Variants in MB21D2 observed in about 807,000 individuals in gnomAD.
MB21D2 encodes the protein nucleotidyltransferase MB21D2.
A neutral mutation model predicts 33.3 loss-of-function variants in MB21D2; 9 were observed. The ratio of observed to expected loss-of-function variants is 0.27; its 90% CI spans 0.16 to 0.47. MB21D2 has a LOEUF of 0.47. MB21D2 is among the 20% of genes least tolerant of loss of function. MB21D2 has a pLI of 0.99. For synonymous variants in MB21D2, 241 were observed against 236.3 expected, an observed-to-expected ratio of 1.02 and a Z score of -0.18; for missense variants, 540 against 624.6, an observed-to-expected ratio of 0.86 and a Z score of 1.44.
chr3:192,887,614 G>C (rs1212304473), intron 1 of MB21D2, among the ~76,000 whole-genome samples: 1 of 152,024 alleles, frequency 6.6e-6, no homozygotes, highest in East Asian at 1.9e-4. Context: ...AAGGTATATG[G>C]GGGTTCATTA....
intron 1 of MB21D2, among the ~76,000 whole-genome samples, chr3:192,885,235 A>G (rs1229088779): frequency 6.6e-6 from 1 of 152,156 alleles, no homozygotes; most frequent in Non-Finnish European, 1.5e-5. Context: ...GACAACCTGC[A>G]TAAATTGCAC....
At chr3:192,837,194 A>G (rs188659723) in intron 1 of MB21D2, among the ~76,000 whole-genome samples, 30 of 152,288 alleles carry the variant, frequency 2.0e-4, no homozygotes, top group Non-Finnish European at 3.2e-4. Flanking sequence ...GAAAGCCCAC[A>G]CGTTTCCTCC....
At chr3:192,904,641 G>A (rs1027177779) in intron 1 of MB21D2, among the ~76,000 whole-genome samples, 16 of 152,170 alleles carry the variant, frequency 1.1e-4, no homozygotes, top group African/African-American at 2.4e-4. Context: ...AACTGTGGAA[G>A]TGGGGCCTGG....
chr3:192,916,754 A>C (rs1393731979), intron 1 of MB21D2, among the ~76,000 whole-genome samples: 1 of 152,034 alleles, frequency 6.6e-6, no homozygotes, highest in Non-Finnish European at 1.5e-5. Flanking sequence ...GCATTCAATC[A>C]TGTTTCAGGA....
chr3:192,833,157 T>C (rs764530422), intron 1 of MB21D2, among the ~76,000 whole-genome samples: 1 of 152,158 alleles, frequency 6.6e-6, no homozygotes, highest in Non-Finnish European at 1.5e-5. Flanking sequence ...TTTCTAGCAA[T>C]TCTTCCTTCA....
intron 1 of MB21D2, among the ~76,000 whole-genome samples, chr3:192,878,017 G>A (rs919535842): frequency 2.7e-5 from 4 of 149,892 alleles, no homozygotes; most frequent in Non-Finnish European, 5.9e-5. Context: ...AGGCAGCAAC[G>A]GTGGGAGAAG....
Position 192,798,941 on chromosome 3 carries a change from C to A in MB21D2, c.921G>T (p.Met307Ile). The A allele has an allele frequency of 6.2e-7, 1 of 1,613,952 alleles. No individual in the cohort carries two copies. Among genetic ancestry groups the A allele is most frequent in the East Asian group, 2.2e-5 (1 of 44,852 alleles). ...TGGCTTTGCAGGCCTGATAGGCCTGCATGAGGCTGCTGGAGATGCACTTCT... is the reference window on the plus strand; with the variant it reads ...TGGCTTTGCAGGCCTGATAGGCCTGAATGAGGCTGCTGGAGATGCACTTCT... ...QLKKCISSSL[M>I]QAYQACKAII... Residue 307 changes from methionine to isoleucine, a missense_variant, in exon 2 of 2, where the codon ATG (methionine) becomes ATT (isoleucine). Met to Ile is a conservative substitution (Grantham distance 10). Coordinates refer to ENST00000392452, the MANE Select transcript of MB21D2 (RefSeq NM_178496.4). This position sits in a 1 kb window ranked among gnomAD's most constrained non-coding sequence, Gnocchi z 4.8.
At chr3:192,823,298 C>T (rs1712098710) in intron 1 of MB21D2, among the ~76,000 whole-genome samples, 1 of 152,198 alleles carries the variant, frequency 6.6e-6, no homozygotes, top group African/African-American at 2.4e-5. Flanking sequence ...AAATGTCTGA[C>T]AATCTCTATA....
chr3:192,821,843 C>A (rs1274770916), intron 1 of MB21D2, among the ~76,000 whole-genome samples: 4 of 152,082 alleles, frequency 2.6e-5, no homozygotes, highest in Non-Finnish European at 1.5e-5. Context: ...GACAGGGAGG[C>A]AGCAAGAGGC....
chr3:192,905,442 G>A (rs1162286928), intron 1 of MB21D2, among the ~76,000 whole-genome samples: 1 of 151,888 alleles, frequency 6.6e-6, no homozygotes, highest in Non-Finnish European at 1.5e-5. Context: ...TTCGAGACCA[G>A]CCTGACCAAC....
rs188547939 is a variant in MB21D2, at chr3:192,819,176, A to G, written c.212-19526T>C. Among the ~76,000 whole-genome samples the G allele has an allele frequency of 1.9e-3, 284 of 152,284 alleles. 1 individual carries two copies. The highest frequency in any genetic ancestry group is 0.015 in the South Asian group (73 of 4,818). ...GGGGCAAAAGTGAAGGGAGAAGAAA[A>G]GAGAGATAGGAATCAATGTTTACAG... On this transcript the variant is annotated intron_variant, in intron 1 of 1. Coordinates refer to ENST00000392452, the MANE Select transcript of MB21D2 (RefSeq NM_178496.4).
At position 192,901,121 on chromosome 3, in the gene MB21D2, G is replaced by C. The variant is rs1367663229; in HGVS notation, c.211+16509C>G. The stretch of plus-strand genomic sequence containing the variant: ...TGGCAGAGAGGATGGAGCCAGGGTT[G>C]GTTGGTCTTGGATGACACAGAGACA... On this transcript the variant is annotated intron_variant, in intron 1 of 1. Transcript: ENST00000392452. 2.0e-5 allele frequency among the ~76,000 whole-genome samples: 3 copies of C among 152,062 alleles called. No homozygotes were observed. The East Asian group carries it at 5.8e-4, about 29-fold the overall frequency.
chr3:192,916,792 G>C (rs1436025472), intron 1 of MB21D2, among the ~76,000 whole-genome samples: 1 of 152,186 alleles, frequency 6.6e-6, no homozygotes, highest in Non-Finnish European at 1.5e-5. Flanking sequence ...GGAGGTGGGA[G>C]TGGGGGACAC....
intron 1 of MB21D2, among the ~76,000 whole-genome samples, chr3:192,838,519 C>T (rs1372351694): frequency 6.6e-6 from 1 of 151,890 alleles, no homozygotes; most frequent in Middle Eastern, 3.4e-3. Context: ...AACTCCGCCT[C>T]CCGGGTTCAC....
chr3:192,832,605 C>T (rs1289936424), intron 1 of MB21D2, among the ~76,000 whole-genome samples: 3 of 152,194 alleles, frequency 2.0e-5, no homozygotes, highest in Non-Finnish European at 4.4e-5. Flanking sequence ...GCCTGGCCAA[C>T]ATGGTGAAAC....
At chr3:192,852,023 A>G (rs1360982409) in intron 1 of MB21D2, among the ~76,000 whole-genome samples, 1 of 152,212 alleles carries the variant, frequency 6.6e-6, no homozygotes, top group Non-Finnish European at 1.5e-5. Context: ...AAACTTGGGC[A>G]AAGTTTTATC....
intron 1 of MB21D2, among the ~76,000 whole-genome samples, chr3:192,819,775 C>T (rs1036492011): frequency 2.4e-4 from 37 of 152,314 alleles, no homozygotes; most frequent in African/African-American, 7.0e-4. Context: ...CTTTACTTTT[C>T]GCCAACTGTA....
rs576398265 is a variant in MB21D2, at chr3:192,883,992, T to C, written c.211+33638A>G. On this transcript the variant is annotated intron_variant, in intron 1 of 1. Coordinates refer to ENST00000392452, the MANE Select transcript of MB21D2 (RefSeq NM_178496.4). ...CCCTCTCAAGCTTGATCTGTTTCTA[T>C]GGTTGACTCTCAGCATCTGAGGCTC... 4.6e-5 allele frequency among the ~76,000 whole-genome samples: 7 copies of C among 152,258 alleles called. No homozygotes were observed. The South Asian group carries it at 1.5e-3, about 32-fold the overall frequency.
intron 1 of MB21D2, among the ~76,000 whole-genome samples, chr3:192,874,696 A>AGACTCT (rs1713391050): frequency 6.6e-6 from 1 of 152,190 alleles, no homozygotes; most frequent in African/African-American, 2.4e-5. Flanking sequence ...GACTGCATGG[A>AGACTCT]GACTCTATTG....
Sources: allele counts gnomAD v4.1 joint callset (sites outside exome capture counted in the v4.1 genomes callset), GRCh38; gene constraint gnomAD v4.1.1; non-coding constraint Gnocchi (gnomAD v3.1); transcripts MANE v1.5; gene names NCBI Gene and HGNC (gene_info 2026-07-23, HGNC 2026-07-21).